Variants in OCA2 observed in about 807,000 individuals in gnomAD.
The protein encoded by OCA2 is OCA2 melanosomal transmembrane protein.
OCA2 carries 77 observed loss-of-function variants against 100.2 expected under a neutral mutation model. The ratio of observed to expected loss-of-function variants is 0.77; its 90% CI spans 0.64 to 0.93. OCA2 has a LOEUF of 0.93. Ranked by LOEUF, OCA2 falls within the 40% of genes least tolerant of loss-of-function variation. OCA2 has a pLI of 0.00. For missense variants in OCA2, 1,062 were observed against 1,089.1 expected (o/e 0.98, Z 0.35); for synonymous variants, 432 against 439.2 (o/e 0.98, Z 0.21).
chr15:27,908,593 C>T (rs963963287), intron 19 of OCA2, among the ~76,000 whole-genome samples: 5 of 152,170 alleles, frequency 3.3e-5, no homozygotes, highest in Admixed American at 2.6e-4. Flanking sequence ...AGTAAGGACA[C>T]ACAGCCAGAT....
chr15:28,081,788 A>G lies in OCA2; in HGVS notation c.87T>C (p.Ala29=). 2.5e-6 allele frequency: 4 copies of G among 1,613,124 alleles called. No homozygotes were observed. Among genetic ancestry groups the G allele is most frequent in the African/African-American group, 1.3e-5 (1 of 75,060 alleles). ...GCCTGCGCTTGCCGGCCACAAGTTC[A>G]GCGAGTCCGCTGGGCACGGACGTCT... The part of the protein sequence containing the change: ...LLQTSVPSGL[A]ELVAGKRRLP... Residue 29 remains alanine, a synonymous_variant, in exon 2 of 24, where the codon GCT becomes GCC. Transcript: ENST00000354638.
chr15:27,921,344 T>C (rs758497129), intron 19 of OCA2, among the ~76,000 whole-genome samples: 15 of 147,016 alleles, frequency 1.0e-4, no homozygotes, highest in Non-Finnish European at 1.9e-4. Flanking sequence ...GGATTCTATA[T>C]AAGTGAAACA....
intron 23 of OCA2, among the ~76,000 whole-genome samples, chr15:27,840,193 A>G (rs2035294589): frequency 6.6e-6 from 1 of 152,198 alleles, no homozygotes; most frequent in Non-Finnish European, 1.5e-5. Flanking sequence ...GTAAACCAAG[A>G]GAAAGCACTA....
Position 27,769,309 on chromosome 15 carries a change from G to C in OCA2, c.2433-13837C>G, listed in dbSNP as rs1330425169. On this transcript the variant is annotated intron_variant, in intron 23 of 23. Coordinates refer to ENST00000354638, the MANE Select transcript of OCA2 (RefSeq NM_000275.3). ...CGCCCACACAGCCCCTGTGTTACAC[G>C]CGTTTAGTTTTAAGTTAAAAACCTG... Among the ~76,000 whole-genome samples the C allele has an allele frequency of 4.6e-5, 7 of 152,230 alleles. No individual in the cohort carries two copies. In the East Asian group the frequency reaches 1.4e-3, roughly 30 times the overall value.
At chr15:27,947,797 G>A (rs1457419600) in intron 18 of OCA2, among the ~76,000 whole-genome samples, 7 of 151,924 alleles carry the variant, frequency 4.6e-5, no homozygotes, top group Non-Finnish European at 8.8e-5. Flanking sequence ...CCAGTGGCCC[G>A]TCACGAAGGC....
At chr15:27,869,047 G>A (rs539042268) in intron 21 of OCA2, among the ~76,000 whole-genome samples, 3 of 152,324 alleles carry the variant, frequency 2.0e-5, no homozygotes, top group South Asian at 2.1e-4. Flanking sequence ...GCTGCATGCC[G>A]CTTCCAGCCT....
At chr15:28,024,776 C>T in intron 5 of OCA2, 69 bp downstream of exon 5, 1 of 1,522,910 alleles carries the variant, frequency 6.6e-7, no homozygotes. Flanking sequence ...GTTCCCCCTG[C>T]TATACAGCCA....
At chr15:28,067,184 T>C (rs1355256781) in intron 2 of OCA2, among the ~76,000 whole-genome samples, 1 of 152,218 alleles carries the variant, frequency 6.6e-6, no homozygotes, top group African/African-American at 2.4e-5. Context: ...ATTATTAAGG[T>C]GTCAACTCCA....
At chr15:27,785,288 C>G (rs768697184) in intron 23 of OCA2, among the ~76,000 whole-genome samples, 1 of 152,070 alleles carries the variant, frequency 6.6e-6, no homozygotes, top group Admixed American at 6.6e-5. Context: ...CGCAAAAGAA[C>G]TGAAAACAGG....
At chr15:27,997,163 G>GAAAGA (rs1566776331) in intron 9 of OCA2, among the ~76,000 whole-genome samples, 7 of 140,456 alleles carry the variant, frequency 5.0e-5, no homozygotes, top group Middle Eastern at 4.1e-3. Context: ...AGAAAGAAAG[G>GAAAGA]AAGGAAGGAA....
the OCA2 span, among the ~76,000 whole-genome samples, chr15:27,726,675 A>C: frequency 6.1e-4 from 93 of 152,344 alleles, no homozygotes; most frequent in African/African-American, 2.2e-3. Flanking sequence ...GACCAGAGCA[A>C]AAGCTGGAGG....
intron 2 of OCA2, among the ~76,000 whole-genome samples, chr15:28,069,378 C>A (rs2044130286): frequency 7.1e-5 from 1 of 14,102 alleles, no homozygotes; most frequent in African/African-American, 9.4e-4. Flanking sequence ...CCCTCTCCCT[C>A]TCCCTCCCCC....
chr15:28,063,891 C>G (rs2043949621), intron 2 of OCA2, among the ~76,000 whole-genome samples: 1 of 152,046 alleles, frequency 6.6e-6, no homozygotes. Context: ...TACTGGTGCT[C>G]TGTTTTTCCT....
chr15:27,985,158 C>T lies in OCA2; in HGVS notation c.1270G>A (p.Ala424Thr), dbSNP rs1401500525. The T allele has an allele frequency of 6.2e-7, 1 of 1,613,890 alleles. No homozygotes were observed. Among genetic ancestry groups the T allele is most frequent in the Non-Finnish European group, 8.5e-7 (1 of 1,179,948 alleles). Residue 424 changes from alanine to threonine, a missense_variant, in exon 13 of 24, where the codon GCC becomes ACC. Physicochemically the swap from Ala to Thr is moderately conservative, Grantham distance 58. Coordinates refer to ENST00000354638, the MANE Select transcript of OCA2 (RefSeq NM_000275.3). ...ATGAGACAGAGCATGATGATCATGG[C>T]CCACACCCGTCCCCGGGAGAGCCGG... ...AYRLSRGRVW[A>T]MIIMLCLIAA...
chr15:27,754,256 A>G (rs1398230508), downstream of OCA2, among the ~76,000 whole-genome samples: 1 of 152,210 alleles, frequency 6.6e-6, no homozygotes, highest in Non-Finnish European at 1.5e-5. Flanking sequence ...CCATTCGACA[A>G]TACAGACTCT....
At chr15:27,823,690 A>C (rs2034591811) in intron 23 of OCA2, among the ~76,000 whole-genome samples, 1 of 152,184 alleles carries the variant, frequency 6.6e-6, no homozygotes, top group African/African-American at 2.4e-5. Flanking sequence ...TCAATTAGCA[A>C]AATTAACACT....
intron 23 of OCA2, among the ~76,000 whole-genome samples, chr15:27,830,322 C>T (rs1203556934): frequency 2.0e-5 from 3 of 152,136 alleles, no homozygotes; most frequent in African/African-American, 7.2e-5. Flanking sequence ...GAGCTGGAGA[C>T]CCATGTTTTA....
intron 21 of OCA2, among the ~76,000 whole-genome samples, chr15:27,870,630 C>T (rs112897262): frequency 6.7e-6 from 1 of 148,530 alleles, no homozygotes; most frequent in East Asian, 2.0e-4. Context: ...AATGAAGATG[C>T]AAGTCTCTAT....
chr15:28,006,887 G>A (rs1487111360), intron 9 of OCA2, among the ~76,000 whole-genome samples: 1 of 152,200 alleles, frequency 6.6e-6, no homozygotes, highest in Non-Finnish European at 1.5e-5. Flanking sequence ...GTTTTGAAAT[G>A]CAGCTCTTCT....
Sources: allele counts gnomAD v4.1 joint callset (sites outside exome capture counted in the v4.1 genomes callset), GRCh38; gene constraint gnomAD v4.1.1; transcripts MANE v1.5; gene names NCBI Gene and HGNC (gene_info 2026-07-23, HGNC 2026-07-21).